HLA-DQA2: variants seen among roughly 807,000 people sequenced by gnomAD.
The protein encoded by HLA-DQA2 is major histocompatibility complex, class II, DQ alpha 2.
In HLA-DQA2, 17 loss-of-function variants were observed where a neutral mutation model predicts 21.0. That is an observed-to-expected ratio of 0.81 (90% CI 0.56 to 1.22). HLA-DQA2 has a LOEUF of 1.22. Ranked by LOEUF, HLA-DQA2 falls within the 50% of genes most tolerant of loss-of-function variation. The pLI, the probability that HLA-DQA2 is intolerant of heterozygous loss-of-function variation, is 0.00. For missense variants in HLA-DQA2, 239 were observed against 308.8 expected (o/e 0.77, Z 1.69); for synonymous variants, 81 against 116.5 (o/e 0.70, Z 1.96).
At position 32,746,345 on chromosome 6, in the gene HLA-DQA2, T is replaced by C. The variant is rs1763592828; in HGVS notation, c.719T>C (p.Ile240Thr). The C allele has an allele frequency of 3.1e-6, 5 of 1,613,142 alleles. No individual in the cohort carries two copies. Among genetic ancestry groups the C allele is most frequent in the Non-Finnish European group, 4.2e-6 (5 of 1,180,038 alleles). Residue 240 changes from isoleucine (I) to threonine (T), a missense_variant, in exon 4 of 5, where the codon ATC (isoleucine) becomes ACC (threonine). Ile to Thr is a moderately conservative substitution (Grantham distance 89). Coordinates refer to ENST00000374940, the MANE Select transcript of HLA-DQA2 (RefSeq NM_020056.5). The part of the protein sequence containing the change: ...MGIVVGTVFI[I>T]QGLRSVGASR... ...ATTGTGGTGGGCACTGTCTTCATCA[T>C]CCAAGGCCTGCGTTCAGTTGGTGCT... is the stretch of plus-strand genomic sequence containing the variant.
chr6:32,741,674 A>T, intron 1 of HLA-DQA2, 149 bp downstream of exon 1: 2 of 714,974 alleles, frequency 2.8e-6, no homozygotes, highest in Admixed American at 2.2e-5. Context: ...TTCCTCCTTT[A>T]GGAAACCAGA....
At chr6:32,742,801 G>A (rs1262565888) in intron 1 of HLA-DQA2, among the ~76,000 whole-genome samples, 1 of 151,900 alleles carries the variant, frequency 6.6e-6, no homozygotes, top group African/African-American at 2.4e-5. Flanking sequence ...AAAGCTACAA[G>A]AGAACGTTTT....
chr6:32,743,691 A>G lies in HLA-DQA2; in HGVS notation c.83-1468A>G, dbSNP rs576049943. The stretch of plus-strand genomic sequence containing the variant: ...ATTCCACATATATTCATGTTTGAAC[A>G]AGGAGTCAAAGTTTATTGTAAGGAT... On this transcript the variant is annotated intron_variant, in intron 1 of 4. Coordinates refer to ENST00000374940, the MANE Select transcript of HLA-DQA2 (RefSeq NM_020056.5). Among the ~76,000 whole-genome samples, 9 of 152,352 alleles carry G rather than the reference A, an allele frequency of 5.9e-5. No individual in the cohort carries two copies. The South Asian group carries it at 1.9e-3, about 32-fold the overall frequency.
chr6:32,745,211 T>G lies in HLA-DQA2; in HGVS notation c.135T>G (p.Ser45=), dbSNP rs770959511. Residue 45 remains serine (S), a synonymous_variant, in exon 2 of 5, where the codon TCT becomes TCG. Transcript: ENST00000374940. ...ACTTCTACCAGTCTCACGGTCCCTC[T>G]GGCCAGTACACCCATGAATTTGATG... ...GVNFYQSHGP[S]GQYTHEFDGD... 6.2e-7 allele frequency: 1 copy of G among 1,614,166 alleles called. No individual in the cohort carries two copies. The highest frequency in any genetic ancestry group is 8.5e-7 in the Non-Finnish European group (1 of 1,180,004).
chr6:32,745,847 A>C lies in HLA-DQA2; in HGVS notation c.388A>C (p.Thr130Pro). ...TCCTGTGACGCTGGGTCAGCCCAAC[A>C]CCCTCATCTGTCTTGTGGACAACAT... ...KFPVTLGQPN[T>P]LICLVDNIFP... The change falls in exon 3 of 5, where the codon ACC becomes CCC. Residue 130 changes from threonine (T) to proline (P), a missense_variant. Physicochemically the swap from Thr to Pro is conservative, Grantham distance 38 (BLOSUM62 -1). Coordinates refer to ENST00000374940, the MANE Select transcript of HLA-DQA2 (RefSeq NM_020056.5). 1 of 1,613,106 alleles carries C rather than the reference A, an allele frequency of 6.2e-7. No individual in the cohort carries two copies. The highest frequency in any genetic ancestry group is 8.5e-7 in the Non-Finnish European group (1 of 1,180,036).
chr6:32,746,593 T>C lies in HLA-DQA2; in HGVS notation c.*32T>C. On this transcript the variant is annotated 3_prime_UTR_variant, in exon 5 of 5. Coordinates refer to ENST00000374940, the MANE Select transcript of HLA-DQA2 (RefSeq NM_020056.5). ...CTGTCCTGTTGCAGGTGCATCACCA[T>C]CTACAGGAGAAGAAGAATGGACTTG... 1 of 737,562 alleles carries C rather than the reference T, an allele frequency of 1.4e-6. No homozygotes were observed. The highest frequency in any genetic ancestry group is 2.4e-6 in the Non-Finnish European group (1 of 414,778). 45.7% of individuals were successfully genotyped at this position (737,562 alleles called of 1,614,324 possible). A position where few individuals can be genotyped will look rare whatever the true frequency, so the allele number is the denominator to read the frequency against.
Position 32,745,142 on chromosome 6 carries a change from T to C in HLA-DQA2, c.83-17T>C. On this transcript the variant is annotated splice_polypyrimidine_tract_variant and intron_variant, in intron 1 of 4. Transcript: ENST00000374940. Reference sequence around the variant, plus strand: ...TCCCTGTGTTCCACCCTCCTGCTTGTCACCTTCACTCGTCAGCTGACCATG... The same window carrying C: ...TCCCTGTGTTCCACCCTCCTGCTTGCCACCTTCACTCGTCAGCTGACCATG... 1 of 1,610,470 alleles carries C rather than the reference T, an allele frequency of 6.2e-7. No homozygotes were observed. The highest frequency in any genetic ancestry group is 8.5e-7 in the Non-Finnish European group (1 of 1,178,120).
chr6:32,743,988 C>A (rs1025529663), intron 1 of HLA-DQA2, among the ~76,000 whole-genome samples: 1 of 149,158 alleles, frequency 6.7e-6, no homozygotes, highest in African/African-American at 2.5e-5. Flanking sequence ...CAGACCCTTG[C>A]AAAGACATGA....
At position 32,745,272 on chromosome 6, in the gene HLA-DQA2, G is replaced by A. The variant is rs147801222; in HGVS notation, c.196G>A (p.Glu66Lys). 226 of 1,614,022 alleles carry A rather than the reference G, an allele frequency of 1.4e-4. 1 individual carries two copies. The African/African-American group carries it at 2.6e-3, about 18-fold the overall frequency. The stretch of plus-strand genomic sequence containing the variant: ...GTTCTATGTGGACCTGGAGACGAAA[G>A]AGACTGTCTGGCAGTTGCCTATGTT... The part of the protein sequence containing the change: ...EEFYVDLETK[E>K]TVWQLPMFSK... Residue 66 changes from glutamate (E) to lysine (K), a missense_variant, in exon 2 of 5, where the codon GAG (glutamate) becomes AAG (lysine). Physicochemically the swap from Glu to Lys is moderately conservative, Grantham distance 56. Transcript: ENST00000374940.
chr6:32,746,663 T>C lies in HLA-DQA2; in HGVS notation c.*102T>C. 1.5e-6 allele frequency: 1 copy of C among 681,354 alleles called. No homozygotes were observed. Among genetic ancestry groups the C allele is most frequent in the South Asian group, 1.5e-5 (1 of 66,620 alleles). 42.2% of individuals were successfully genotyped at this position (681,354 alleles called of 1,614,324 possible). On this transcript the variant is annotated 3_prime_UTR_variant, in exon 5 of 5. Coordinates refer to ENST00000374940, the MANE Select transcript of HLA-DQA2 (RefSeq NM_020056.5). ...TCTCTGGCCTGATTTATCATATCCC[T>C]TTTCTCCTCCAAATGTTTCTTCTCT...
At chr6:32,745,745 G>A in intron 2 of HLA-DQA2, 46 bp from the exon 3 acceptor site, 1 of 1,606,558 alleles carries the variant, frequency 6.2e-7, no homozygotes, top group Non-Finnish European at 8.5e-7. Context: ...AGAAGCTCAT[G>A]GCAGAGCTAT....
chr6:32,745,972 C>T lies in HLA-DQA2; in HGVS notation c.513C>T (p.Phe171=). 1 of 1,613,166 alleles carries T rather than the reference C, an allele frequency of 6.2e-7. No individual in the cohort carries two copies. Among genetic ancestry groups the T allele is most frequent in the Non-Finnish European group, 8.5e-7 (1 of 1,180,050 alleles). ...TSFLSKSDHS[F]FKISYLTFLP... is the part of the protein sequence containing the mutation. ...TCCTCTCCAAGAGTGATCATTCCTT[C>T]TTCAAGATCAGTTACCTCACCTTCC... Residue 171 remains phenylalanine, a synonymous_variant, in exon 3 of 5, where the codon TTC becomes TTT. Coordinates refer to ENST00000374940, the MANE Select transcript of HLA-DQA2 (RefSeq NM_020056.5).
At chr6:32,744,933 G>A (rs1416658323) in intron 1 of HLA-DQA2, among the ~76,000 whole-genome samples, 4 of 152,138 alleles carry the variant, frequency 2.6e-5, no homozygotes, top group African/African-American at 4.8e-5. Context: ...GACGTGTGAC[G>A]TTCTGCCTTT....
In HLA-DQA2 at chr6:32,745,410, A is replaced by G. The variant is rs1406870503; in HGVS notation, c.331+3A>G. 8 of 1,610,060 alleles carry G rather than the reference A, an allele frequency of 5.0e-6. No individual in the cohort carries two copies. The highest frequency in any genetic ancestry group is 1.4e-5 in the African/African-American group (1 of 73,816). ...CAACTCTACCGCTGCCACCAATGGT[A>G]CGTGTCCACCATTCCGCCTCTCTTT... is the stretch of plus-strand genomic sequence containing the variant. On this transcript the variant is annotated splice_donor_region_variant and intron_variant, in intron 2 of 4. Coordinates refer to ENST00000374940, the MANE Select transcript of HLA-DQA2 (RefSeq NM_020056.5).
chr6:32,746,597 C>T lies in HLA-DQA2; in HGVS notation c.*36C>T, dbSNP rs766849640. Reference sequence around the variant, plus strand: ...CCTGTTGCAGGTGCATCACCATCTACAGGAGAAGAAGAATGGACTTGCTAA... The same window carrying T: ...CCTGTTGCAGGTGCATCACCATCTATAGGAGAAGAAGAATGGACTTGCTAA... On this transcript the variant is annotated 3_prime_UTR_variant, in exon 5 of 5. Transcript: ENST00000374940. 1.4e-6 allele frequency: 1 copy of T among 732,876 alleles called. No individual in the cohort carries two copies. The highest frequency in any genetic ancestry group is 2.4e-6 in the Non-Finnish European group (1 of 410,944). 45.4% of individuals were successfully genotyped at this position (732,876 alleles called of 1,614,324 possible).
In HLA-DQA2 at chr6:32,741,480, G is replaced by T. The variant is rs1349839206; in HGVS notation, c.37G>T (p.Ala13Ser). 2 of 1,613,968 alleles carry T rather than the reference G, an allele frequency of 1.2e-6. No homozygotes were observed. Among genetic ancestry groups the T allele is most frequent in the South Asian group, 1.1e-5 (1 of 91,014 alleles). ...CAAAGCTCTGCTGCTGGGGGCCCTC[G>T]CCCTGACTGCCGTGATGAGCCCCTG... Reference protein sequence around the residue: ...LNKALLLGALALTAVMSPCGG... With the variant: ...LNKALLLGALSLTAVMSPCGG... The change falls in exon 1 of 5, where the codon GCC (alanine) becomes TCC (serine). Residue 13 changes from alanine to serine, a missense_variant. Ala to Ser is a moderately conservative substitution (Grantham distance 99). Coordinates refer to ENST00000374940, the MANE Select transcript of HLA-DQA2 (RefSeq NM_020056.5).
chr6:32,746,935 A>AACCTAT lies in HLA-DQA2; in HGVS notation c.*374_*375insACCTAT. ...CCATCTTTCATCTCAGGGCTGACTG[A>AACCTAT]GAGCATAACTTAGAATGGGCGACTC... On this transcript the variant is annotated 3_prime_UTR_variant, in exon 5 of 5. Coordinates refer to ENST00000374940, the MANE Select transcript of HLA-DQA2 (RefSeq NM_020056.5). The AACCTAT allele has an allele frequency of 6.2e-6, 2 of 324,572 alleles. No homozygotes were observed. The highest frequency in any genetic ancestry group is 7.3e-4 in the Middle Eastern group (1 of 1,376). 20.1% of individuals were successfully genotyped at this position (324,572 alleles called of 1,614,324 possible).
chr6:32,745,036 G>T, intron 1 of HLA-DQA2, 123 bp from the exon 2 acceptor site: 1 of 1,168,562 alleles, frequency 8.6e-7, no homozygotes, highest in Non-Finnish European at 1.2e-6. Context: ...TAGGAAGATT[G>T]TTCAGGGACT....
In HLA-DQA2 at chr6:32,746,623, A is replaced by G; in HGVS notation, c.*62A>G. On this transcript the variant is annotated 3_prime_UTR_variant, in exon 5 of 5. Coordinates refer to ENST00000374940, the MANE Select transcript of HLA-DQA2 (RefSeq NM_020056.5). ...AGGAGAAGAAGAATGGACTTGCTAA[A>G]TGACCTAGCACTATTCTCTGGCCTG... 1 of 706,124 alleles carries G rather than the reference A, an allele frequency of 1.4e-6. No individual in the cohort carries two copies. The highest frequency in any genetic ancestry group is 1.5e-5 in the South Asian group (1 of 66,874). 43.7% of individuals were successfully genotyped at this position (706,124 alleles called of 1,614,324 possible).
Sources: allele counts gnomAD v4.1 joint callset (sites outside exome capture counted in the v4.1 genomes callset), GRCh38; gene constraint gnomAD v4.1.1; transcripts MANE v1.5; gene names NCBI Gene and HGNC (gene_info 2026-07-23, HGNC 2026-07-21).